MACROH2A2: variants seen among roughly 807,000 people sequenced by gnomAD.
The protein encoded by MACROH2A2 is macroH2A.2 histone, also known as core histone macro-H2A.2.
In MACROH2A2, 6 loss-of-function variants were observed where a neutral mutation model predicts 37.6. That is an observed-to-expected ratio of 0.16 (90% CI 0.09 to 0.32). The LOEUF is 0.32. MACROH2A2 is among the 10% of genes least tolerant of loss of function. MACROH2A2 has a pLI of 1.00. For synonymous variants in MACROH2A2, 192 were observed against 202.7 expected, an observed-to-expected ratio of 0.95 and a Z score of 0.45; for missense variants, 290 against 485.9, an observed-to-expected ratio of 0.60 and a Z score of 3.79.
chr10:70,075,615 G>C lies in MACROH2A2; in HGVS notation c.-44G>C, dbSNP rs200327343. 9,434 of 1,591,116 alleles carry C rather than the reference G, an allele frequency of 5.9e-3. 42 individuals are homozygous for C. The highest frequency in any genetic ancestry group is 7.6e-3 in the Non-Finnish European group (8,806 of 1,160,034). On this transcript the variant is annotated 5_prime_UTR_variant, in exon 2 of 9. Coordinates refer to ENST00000373255, the MANE Select transcript of MACROH2A2 (RefSeq NM_018649.3). The surrounding 1 kb of genome is among the most constrained non-coding windows in gnomAD (Gnocchi z 5.0). The stretch of plus-strand genomic sequence containing the variant: ...TCCTTTTTAGCATTGTGTTAGTGCC[G>C]GGAGGCCACTGTGTCAGCAAGCTGA...
At chr10:70,069,620 T>G (rs140121291) in intron 1 of MACROH2A2, among the ~76,000 whole-genome samples, 4 of 152,128 alleles carry the variant, frequency 2.6e-5, no homozygotes, top group South Asian at 2.1e-4. Context: ...ACATGTAAAC[T>G]TAGTGTATTG....
intron 8 of MACROH2A2, among the ~76,000 whole-genome samples, chr10:70,111,034 C>T (rs183318699): frequency 2.6e-5 from 4 of 152,094 alleles, no homozygotes; most frequent in Admixed American, 2.0e-4. Flanking sequence ...TTTGGGAGGC[C>T]GAGGCAGGCG....
Position 70,053,525 on chromosome 10 carries a change from G to A in MACROH2A2, c.-60+525G>A, listed in dbSNP as rs1312449543. ...CCGGCGGCTCCAGGCTGACAATGGAGGGGGCGCGGAGCAGCCGGGCGGAGG... is the reference window on the plus strand; with the variant it reads ...CCGGCGGCTCCAGGCTGACAATGGAAGGGGCGCGGAGCAGCCGGGCGGAGG... On this transcript the variant is annotated intron_variant, in intron 1 of 8. Coordinates refer to ENST00000373255, the MANE Select transcript of MACROH2A2 (RefSeq NM_018649.3). This position sits in a 1 kb window ranked among gnomAD's most constrained non-coding sequence, Gnocchi z 4.8. 6.6e-6 allele frequency among the ~76,000 whole-genome samples: 1 copy of A among 151,846 alleles called. No homozygotes were observed. The highest frequency in any genetic ancestry group is 2.4e-5 in the African/African-American group (1 of 41,366).
chr10:70,100,109 C>A, intron 6 of MACROH2A2, 99 bp from the exon 7 acceptor site: 1 of 636,198 alleles, frequency 1.6e-6, no homozygotes, highest in Non-Finnish European at 2.8e-6. Flanking sequence ...TAGTTTCTAA[C>A]AGTGCTTTTG....
chr10:70,076,617 C>A (rs1159641501), intron 2 of MACROH2A2, among the ~76,000 whole-genome samples: 3 of 151,964 alleles, frequency 2.0e-5, no homozygotes, highest in Non-Finnish European at 4.4e-5. Flanking sequence ...ATGATTTAGT[C>A]CCTTGTTGGG....
intron 1 of MACROH2A2, among the ~76,000 whole-genome samples, chr10:70,071,601 T>C (rs2072111166): frequency 6.6e-6 from 1 of 152,174 alleles, no homozygotes; most frequent in African/African-American, 2.4e-5. Flanking sequence ...CGTTAGGTGA[T>C]TTTGTCATTG....
At position 70,090,117 on chromosome 10, in the gene MACROH2A2, C is replaced by T. The variant is rs1188888325; in HGVS notation, c.230C>T (p.Ala77Val). ...AGGGACAACAAGAAGGCCCGGATAG[C>T]CCCGAGACACATCTTGCTGGCAGTT... ...AARDNKKARI[A>V]PRHILLAVAN... The change falls in exon 3 of 9, where the codon GCC (alanine) becomes GTC (valine). Residue 77 changes from alanine (A) to valine (V), a missense_variant. Physicochemically the swap from Ala to Val is moderately conservative, Grantham distance 64. This residue lies in a region of MACROH2A2 where 83 missense variants were observed against 159.9 expected (regional missense o/e 0.52). Coordinates refer to ENST00000373255, the MANE Select transcript of MACROH2A2 (RefSeq NM_018649.3). 1.9e-6 allele frequency: 3 copies of T among 1,613,838 alleles called. No homozygotes were observed. Among genetic ancestry groups the T allele is most frequent in the East Asian group, 4.5e-5 (2 of 44,904 alleles).
At position 70,061,815 on chromosome 10, in the gene MACROH2A2, C is replaced by T. The variant is rs373940482; in HGVS notation, c.-60+8815C>T. On this transcript the variant is annotated intron_variant, in intron 1 of 8. Transcript: ENST00000373255. Reference sequence around the variant, plus strand: ...TGGTTAATTTGGTTAATTTGATCTGCGTGCCATTTTGATGAAATTGCATTT... The same window carrying T: ...TGGTTAATTTGGTTAATTTGATCTGTGTGCCATTTTGATGAAATTGCATTT... Among the ~76,000 whole-genome samples, 20 of 152,284 alleles carry T rather than the reference C, an allele frequency of 1.3e-4. No homozygotes were observed. In the East Asian group the frequency reaches 1.9e-3, roughly 15 times the overall value.
chr10:70,095,100 G>A (rs2072266936), intron 5 of MACROH2A2, among the ~76,000 whole-genome samples: 1 of 152,216 alleles, frequency 6.6e-6, no homozygotes, highest in Non-Finnish European at 1.5e-5. Flanking sequence ...CAGGCGCGGT[G>A]GCTCACGCCT....
intron 7 of MACROH2A2, among the ~76,000 whole-genome samples, chr10:70,100,806 G>A (rs899738861): frequency 3.3e-5 from 5 of 151,966 alleles, no homozygotes; most frequent in African/African-American, 1.2e-4. Flanking sequence ...TAGTAGAGAT[G>A]GGGTTTTGCC....
intron 8 of MACROH2A2, among the ~76,000 whole-genome samples, chr10:70,110,879 C>T (rs1251902683): frequency 6.6e-6 from 1 of 151,872 alleles, no homozygotes; most frequent in African/African-American, 2.4e-5. Flanking sequence ...TGGAGCAAGA[C>T]TTTGCCTCTG....
In MACROH2A2 at chr10:70,053,212, G is replaced by C. The variant is rs866711433; in HGVS notation, c.-60+212G>C. Among the ~76,000 whole-genome samples, 4 of 152,336 alleles carry C rather than the reference G, an allele frequency of 2.6e-5. No individual in the cohort carries two copies. Among genetic ancestry groups the C allele is most frequent in the African/African-American group, 9.6e-5 (4 of 41,584 alleles). On this transcript the variant is annotated intron_variant, in intron 1 of 8. Coordinates refer to ENST00000373255, the MANE Select transcript of MACROH2A2 (RefSeq NM_018649.3). This position sits in a 1 kb window ranked among gnomAD's most constrained non-coding sequence, Gnocchi z 4.8. ...TTGCTTCCTTGGGCGATAAAGGGGG[G>C]GCTGCTAAAGAAGTGGTCAAATTCC...
At chr10:70,077,608 C>T (rs1379956060) in intron 2 of MACROH2A2, among the ~76,000 whole-genome samples, 1 of 151,996 alleles carries the variant, frequency 6.6e-6, no homozygotes, top group Non-Finnish European at 1.5e-5. Context: ...CACAGTGGCT[C>T]ACGCCTGTAA....
intron 2 of MACROH2A2, among the ~76,000 whole-genome samples, chr10:70,081,162 C>T (rs982160274): frequency 4.6e-5 from 7 of 151,658 alleles, no homozygotes; most frequent in Admixed American, 4.6e-4. Flanking sequence ...GCTGGTTCTG[C>T]CACGTATCAG....
intron 1 of MACROH2A2, among the ~76,000 whole-genome samples, chr10:70,073,638 G>A (rs1422953175): frequency 2.0e-5 from 3 of 152,094 alleles, no homozygotes; most frequent in Non-Finnish European, 4.4e-5. Context: ...CATTCACCTC[G>A]GGGACAGGTG....
chr10:70,094,598 T>G (rs1003023720), intron 5 of MACROH2A2, among the ~76,000 whole-genome samples: 5 of 152,208 alleles, frequency 3.3e-5, no homozygotes, highest in Non-Finnish European at 5.9e-5. Flanking sequence ...AGCATCGGTG[T>G]GGCTGGTTGC....
intron 6 of MACROH2A2, chr10:70,099,261 C>T (rs995323973): frequency 6.6e-6 from 1 of 152,208 alleles, no homozygotes; most frequent in Non-Finnish European, 1.5e-5. Flanking sequence ...AGACACTTGT[C>T]CTAAACCAGC....
At chr10:70,093,005 C>CT (rs141031178) in intron 4 of MACROH2A2, among the ~76,000 whole-genome samples, 15,515 of 145,184 alleles carry the variant, frequency 0.11, 902 homozygotes, top group African/African-American at 0.17. Context: ...TCACATGTGG[C>CT]TTTTTTTTTT....
intron 2 of MACROH2A2, among the ~76,000 whole-genome samples, chr10:70,089,763 A>T (rs756234273): frequency 2.6e-4 from 40 of 151,324 alleles, no homozygotes; most frequent in Non-Finnish European, 4.7e-4. Context: ...TAATTTTTTT[A>T]AATTTTTTTT....
Sources: gnomAD v4.1 joint callset for allele counts (sites outside exome capture counted in the v4.1 genomes callset) on GRCh38, gnomAD v4.1.1 for gene constraint, gnomAD v4.1.1 regional missense constraint, Gnocchi (gnomAD v3.1) non-coding constraint, MANE v1.5 for transcripts, NCBI Gene and HGNC (gene_info 2026-07-23, HGNC 2026-07-21) for gene names.